DIPK1C: variants seen among roughly 807,000 people sequenced by gnomAD.
DIPK1C encodes the protein divergent protein kinase domain 1C.
Under a neutral mutation model 28.0 loss-of-function variants are expected in DIPK1C, and 33 were observed. The observed-to-expected ratio is 1.18, with a 90% CI of 0.89 to 1.58. The LOEUF (loss-of-function observed/expected upper bound fraction) is 1.58. Among genes scored for constraint, DIPK1C ranks in the 40% most tolerant of loss-of-function variants. DIPK1C has a pLI of 0.00. For synonymous variants in DIPK1C, 255 were observed against 248.8 expected (o/e 1.02, Z -0.23); for missense variants, 569 against 568.5 (o/e 1.00, Z -0.01).
At chr18:74,456,768 G>A (rs867700297) in intron 1 of DIPK1C, among the ~76,000 whole-genome samples, 34 of 152,348 alleles carry the variant, frequency 2.2e-4, no homozygotes, top group Middle Eastern at 3.4e-3. Context: ...ACTTTCTTCC[G>A]GAGCTCGGGC....
intron 2 of DIPK1C, among the ~76,000 whole-genome samples, chr18:74,442,865 A>G (rs1986174397): frequency 6.6e-6 from 1 of 152,198 alleles, no homozygotes; most frequent in Admixed American, 6.5e-5. Context: ...CAGGACTGTA[A>G]AAGCTGTAAG....
intron 1 of DIPK1C, among the ~76,000 whole-genome samples, chr18:74,451,865 C>T (rs1195218310): frequency 6.6e-6 from 1 of 152,196 alleles, no homozygotes; most frequent in Non-Finnish European, 1.5e-5. Flanking sequence ...GCACACAGCT[C>T]TTCCTCAACT....
At chr18:74,443,145 G>A (rs975130625) in intron 2 of DIPK1C, among the ~76,000 whole-genome samples, 5 of 152,160 alleles carry the variant, frequency 3.3e-5, no homozygotes, top group African/African-American at 7.2e-5. Flanking sequence ...GATGACCCCT[G>A]GAACTTCAGA....
intron 1 of DIPK1C, among the ~76,000 whole-genome samples, chr18:74,450,276 AT>A (rs1329984705): frequency 6.6e-6 from 1 of 152,226 alleles, no homozygotes; most frequent in African/African-American, 2.4e-5. Flanking sequence ...GATACCCAAA[AT>A]AGTTGGATTC....
At position 74,436,396 on chromosome 18, in the gene DIPK1C, C is replaced by T; in HGVS notation, c.*105G>A. The T allele has an allele frequency of 8.8e-7, 1 of 1,142,496 alleles. No homozygotes were observed. The highest frequency in any genetic ancestry group is 1.2e-6 in the Non-Finnish European group (1 of 821,660). The allele number at this position is 1,142,496 out of a possible 1,614,324, so 70.8% of individuals were successfully genotyped here. On this transcript the variant is annotated 3_prime_UTR_variant, in exon 4 of 4. Transcript: ENST00000343998. Reference sequence around the variant, plus strand: ...CTCCACAATGTGGAGACCAGAACGGCACCCCAGAGAGCACAGGGGAAATGG... The same window carrying T: ...CTCCACAATGTGGAGACCAGAACGGTACCCCAGAGAGCACAGGGGAAATGG...
Position 74,457,282 on chromosome 18 carries a change from G to A in DIPK1C, c.-23C>T. On this transcript the variant is annotated 5_prime_UTR_variant, in exon 1 of 4. Transcript: ENST00000343998. ...CATGGCCAGCCCTGCCCGCGCCCGG[G>A]CCCCACCGCCGCCCGCGCCCCGAGT... The A allele has an allele frequency of 1.0e-6, 1 of 984,072 alleles. No homozygotes were observed. The highest frequency in any genetic ancestry group is 1.2e-6 in the Non-Finnish European group (1 of 829,366). The allele number at this position is 984,072 out of a possible 1,614,324, so 61.0% of individuals were successfully genotyped here. A position where few individuals can be genotyped will look rare whatever the true frequency, so the allele number is the denominator to read the frequency against.
At chr18:74,462,831 T>A (rs1251428778), upstream of DIPK1C, among the ~76,000 whole-genome samples, 3 of 152,220 alleles carry the variant, frequency 2.0e-5, no homozygotes, top group Non-Finnish European at 4.4e-5. Context: ...AGTCTGCATT[T>A]ACATTGCATT....
At chr18:74,461,403 TTTCTC>T (rs1420927055), upstream of DIPK1C, among the ~76,000 whole-genome samples, 1 of 129,432 alleles carries the variant, frequency 7.7e-6, no homozygotes, top group Non-Finnish European at 1.7e-5. Context: ...TTTCTTTCTC[TTTCTC>T]TTTTTTTTTT....
chr18:74,436,390 G>A lies in DIPK1C; in HGVS notation c.*111C>T, dbSNP rs1255084366. 9.1e-7 allele frequency: 1 copy of A among 1,103,764 alleles called. No individual in the cohort carries two copies. The highest frequency in any genetic ancestry group is 1.3e-6 in the Non-Finnish European group (1 of 787,656). The allele number at this position is 1,103,764 out of a possible 1,614,324, so 68.4% of individuals were successfully genotyped here. ...TTGCCACTCCACAATGTGGAGACCA[G>A]AACGGCACCCCAGAGAGCACAGGGG... is the stretch of plus-strand genomic sequence containing the variant. On this transcript the variant is annotated 3_prime_UTR_variant, in exon 4 of 4. Coordinates refer to ENST00000343998, the MANE Select transcript of DIPK1C (RefSeq NM_001044369.3).
chr18:74,456,411 A>C (rs1024422542), intron 1 of DIPK1C, among the ~76,000 whole-genome samples: 1 of 152,244 alleles, frequency 6.6e-6, no homozygotes, highest in African/African-American at 2.4e-5. Context: ...GCGCCTGTCG[A>C]GGACCGGGAC....
chr18:74,464,021 G>A, the DIPK1C span, among the ~76,000 whole-genome samples: 1 of 152,278 alleles, frequency 6.6e-6, no homozygotes, highest in African/African-American at 2.4e-5. Flanking sequence ...CAAAGGATCA[G>A]GTGGTTACTA....
chr18:74,447,206 T>C lies in DIPK1C; in HGVS notation c.276A>G (p.Gln92=). The part of the protein sequence containing the change: ...DLCVAGELLF[Q]RCLHYNRGKK... The stretch of plus-strand genomic sequence containing the variant: ...TGCCTCTGTTGTAGTGCAGGCAGCG[T>C]TGGAACAGCAGCTCTCCCGCCACAC... The change falls in exon 2 of 4, where the codon CAA becomes CAG. Residue 92 remains glutamine (Q), a synonymous_variant. Transcript: ENST00000343998. This position sits in a 1 kb window ranked among gnomAD's most constrained non-coding sequence, Gnocchi z 4.1. The C allele has an allele frequency of 1.3e-6, 2 of 1,550,268 alleles. No individual in the cohort carries two copies. The highest frequency in any genetic ancestry group is 1.7e-4 in the Middle Eastern group (1 of 5,990).
upstream of DIPK1C, among the ~76,000 whole-genome samples, chr18:74,459,750 T>C (rs1375163641): frequency 9.9e-5 from 15 of 152,190 alleles, no homozygotes; most frequent in African/African-American, 4.8e-5. Context: ...GCATAAAAAC[T>C]GTGATGTGAG....
rs758060528 is a variant in DIPK1C at position 74,436,698 on chromosome 18, G to A, written c.1063C>T (p.Arg355Cys). ...TTGAGAGGCGCGGAAAACCAATGGC[G>A]AAATATTTTGTCACAGATGACCTGA... ...NLQVICDKIF[R>C]HWFSAPLKSS... The change falls in exon 4 of 4, where the codon CGC (arginine) becomes TGC (cysteine). Residue 355 changes from arginine (R) to cysteine (C), a missense_variant. Arg to Cys is a radical substitution (Grantham distance 180, BLOSUM62 -3). Transcript: ENST00000343998. 2.9e-5 allele frequency: 47 copies of A among 1,612,874 alleles called. No homozygotes were observed. Among genetic ancestry groups the A allele is most frequent in the African/African-American group, 6.7e-5 (5 of 74,886 alleles).
chr18:74,442,454 G>A (rs185554578), intron 2 of DIPK1C, among the ~76,000 whole-genome samples: 1 of 152,134 alleles, frequency 6.6e-6, no homozygotes, highest in Non-Finnish European at 1.5e-5. Context: ...TCAGCCTCCA[G>A]AGTAGCTGGG....
intron 1 of DIPK1C, among the ~76,000 whole-genome samples, chr18:74,452,429 C>A (rs1004982235): frequency 6.6e-6 from 1 of 152,026 alleles, no homozygotes; most frequent in Non-Finnish European, 1.5e-5. Flanking sequence ...ACTTAATGTA[C>A]AAATTGCAAG....
At chr18:74,454,832 A>G (rs1986470635) in intron 1 of DIPK1C, among the ~76,000 whole-genome samples, 1 of 152,040 alleles carries the variant, frequency 6.6e-6, no homozygotes, top group African/African-American at 2.4e-5. Context: ...CACTGTGTGG[A>G]TCTCGCATCA....
At chr18:74,441,927 C>T in intron 3 of DIPK1C, 25 bp downstream of exon 3, 2 of 1,606,160 alleles carry the variant, frequency 1.2e-6, no homozygotes, top group Non-Finnish European at 1.7e-6. Context: ...CCCTCTCCTC[C>T]CCCAGCCCTG....
In DIPK1C at chr18:74,446,790, TG is replaced by T; in HGVS notation, c.691del (p.His231ThrfsTer34). 1 of 1,496,706 alleles carries T rather than the reference TG, an allele frequency of 6.7e-7. No homozygotes were observed. The highest frequency in any genetic ancestry group is 8.9e-7 in the Non-Finnish European group (1 of 1,119,204). The allele number at this position is 1,496,706 out of a possible 1,614,324, so 92.7% of individuals were successfully genotyped here. ...AVEFLAAGSPHHRALFPLDRA... is the reference protein window; with the variant it reads ...AVEFLAAGSPXHRALFPLDRA... ...GTCCAGGGGGAAGAGTGCCCTGTGG[TG>T]GGGGCTGCCCGCGGCCAGGAACTCC... On this transcript the variant is annotated frameshift_variant, in exon 2 of 4. Transcript: ENST00000343998. LOFTEE classifies it high-confidence loss of function.
Sources: gnomAD v4.1 joint callset for allele counts (sites outside exome capture counted in the v4.1 genomes callset) on GRCh38, gnomAD v4.1.1 for gene constraint, Gnocchi (gnomAD v3.1) non-coding constraint, MANE v1.5 for transcripts, NCBI Gene and HGNC (gene_info 2026-07-23, HGNC 2026-07-21) for gene names.